Variants in RFX2 observed in about 807,000 individuals in gnomAD.
RFX2 encodes the protein regulatory factor X2, also known as DNA-binding protein RFX2.
Under a neutral mutation model 87.8 loss-of-function variants are expected in RFX2, and 20 were observed. That is an observed-to-expected ratio of 0.23 (90% confidence interval 0.16 to 0.33). The LOEUF is 0.33. RFX2 is among the 10% of genes least tolerant of loss of function. The pLI, the probability that RFX2 is intolerant of heterozygous loss-of-function variation, is 1.00. For synonymous variants in RFX2, 397 were observed against 431.3 expected, an observed-to-expected ratio of 0.92 and a Z score of 0.98; for missense variants, 767 against 1,012.3, an observed-to-expected ratio of 0.76 and a Z score of 3.29.
At chr19:6,072,151 A>C (rs1269277919) in intron 1 of RFX2, 1 of 152,242 alleles carries the variant, frequency 6.6e-6, no homozygotes, top group Non-Finnish European at 1.5e-5. Flanking sequence ...ACTCCGCCTG[A>C]GAGATGGAAA....
In RFX2 at chr19:6,007,850, C is replaced by G. The variant is rs1212670712; in HGVS notation, c.1135-48G>C. 7.8e-7 allele frequency: 1 copy of G among 1,284,704 alleles called. No individual in the cohort carries two copies. The highest frequency in any genetic ancestry group is 1.3e-5 in the South Asian group (1 of 78,724). 79.6% of individuals were successfully genotyped at this position (1,284,704 alleles called of 1,614,324 possible). A position where few individuals can be genotyped will look rare whatever the true frequency, so the allele number is the denominator to read the frequency against. ...GACAGACGGGTGCGTGCGCCCATCACGTGCACTCAGCACACGTCAAGTGAG... is the reference window on the plus strand; with the variant it reads ...GACAGACGGGTGCGTGCGCCCATCAGGTGCACTCAGCACACGTCAAGTGAG... On this transcript the variant is annotated intron_variant, in intron 10 of 17. Transcript: ENST00000303657. The surrounding 1 kb of genome is among the most constrained non-coding windows in gnomAD (Gnocchi z 8.2).
At position 6,007,534 on chromosome 19, in the gene RFX2, C is replaced by T. The variant is rs1179183210; in HGVS notation, c.1247+156G>A. On this transcript the variant is annotated intron_variant, in intron 11 of 17. Coordinates refer to ENST00000303657, the MANE Select transcript of RFX2 (RefSeq NM_000635.4). The surrounding 1 kb of genome is among the most constrained non-coding windows in gnomAD (Gnocchi z 8.2). ...GCGGATGGCAATGTGAATTTCAAGT[C>T]AACTCTACCAAGTCTAAAAATTACA... 6.6e-6 allele frequency among the ~76,000 whole-genome samples: 1 copy of T among 152,220 alleles called. No homozygotes were observed. The highest frequency in any genetic ancestry group is 2.4e-5 in the African/African-American group (1 of 41,462).
At chr19:6,096,499 T>G (rs920132531) in intron 1 of RFX2, among the ~76,000 whole-genome samples, 5 of 152,292 alleles carry the variant, frequency 3.3e-5, no homozygotes, top group African/African-American at 9.6e-5. Context: ...CAGGCTGGAG[T>G]GCAGTGGCGC....
chr19:6,009,078 C>T (rs2086627010), intron 9 of RFX2, among the ~76,000 whole-genome samples: 1 of 152,138 alleles, frequency 6.6e-6, no homozygotes. Context: ...AGAGAAAGCC[C>T]TGAGCCCAGG....
intron 5 of RFX2, among the ~76,000 whole-genome samples, chr19:6,036,631 A>G (rs2087029210): frequency 6.6e-6 from 1 of 152,264 alleles, no homozygotes; most frequent in Non-Finnish European, 1.5e-5. Flanking sequence ...CCCAATGAAG[A>G]CAAAAATATG....
chr19:6,063,099 C>T lies in RFX2; in HGVS notation c.-8-15595G>A, dbSNP rs566505630. On this transcript the variant is annotated intron_variant, in intron 1 of 17. Transcript: ENST00000303657. The surrounding 1 kb of genome is among the most constrained non-coding windows in gnomAD (Gnocchi z 4.0). The stretch of plus-strand genomic sequence containing the variant: ...GCCGCTCTCGCTCTTGCTCCTAGGC[C>T]GCCTTCTCCCTCATGCATCCAGCTA... Among the ~76,000 whole-genome samples the T allele has an allele frequency of 3.3e-5, 5 of 152,234 alleles. No homozygotes were observed. In the East Asian group the frequency reaches 7.7e-4, roughly 24 times the overall value.
At chr19:6,031,327 C>T (rs972816103) in intron 5 of RFX2, among the ~76,000 whole-genome samples, 4 of 151,650 alleles carry the variant, frequency 2.6e-5, no homozygotes, top group African/African-American at 9.7e-5. Flanking sequence ...GAGATGTGTG[C>T]TCAAGAGTTG....
At chr19:6,108,179 C>T (rs555146894) in intron 1 of RFX2, among the ~76,000 whole-genome samples, 77 of 152,322 alleles carry the variant, frequency 5.1e-4, no homozygotes, top group Middle Eastern at 3.4e-3. Flanking sequence ...TATAAGTTGC[C>T]TTCCGTACCA....
At position 6,016,287 on chromosome 19, in the gene RFX2, C is replaced by G; in HGVS notation, c.598-16G>C. 1 of 1,582,682 alleles carries G rather than the reference C, an allele frequency of 6.3e-7. No individual in the cohort carries two copies. The highest frequency in any genetic ancestry group is 8.6e-7 in the Non-Finnish European group (1 of 1,160,264). ...GCCACTGGAGCTGTAAAAAGAAAGA[C>G]ACGTCTGCGTTTGTCAGAAGCCTGA... is the stretch of plus-strand genomic sequence containing the variant. On this transcript the variant is annotated splice_polypyrimidine_tract_variant and intron_variant, in intron 6 of 17. Transcript: ENST00000303657. The surrounding 1 kb of genome is among the most constrained non-coding windows in gnomAD (Gnocchi z 5.4).
rs781306908 is a variant in RFX2 at position 6,016,213 on chromosome 19, G to C, written c.656C>G (p.Ser219Cys). 3.7e-6 allele frequency: 6 copies of C among 1,613,898 alleles called. No homozygotes were observed. Among genetic ancestry groups the C allele is most frequent in the Non-Finnish European group, 5.1e-6 (6 of 1,179,902 alleles). ...GTGCCGAAGGTAGTGGTTGTAAAGA[G>C]AACTTCTGGGGAGACTCACACCTTC... ...TAEGVSLPRS[S>C]LYNHYLRHCQ... The change falls in exon 7 of 18, where the codon TCT becomes TGT. Residue 219 changes from serine (S) to cysteine (C), a missense_variant. Physicochemically the swap from Ser to Cys is moderately radical, Grantham distance 112. Transcript: ENST00000303657. The surrounding 1 kb of genome is among the most constrained non-coding windows in gnomAD (Gnocchi z 5.4).
chr19:5,995,638 G>A lies in RFX2; in HGVS notation c.2019C>T (p.Asn673=), dbSNP rs1291252288. 6.4e-6 allele frequency: 10 copies of A among 1,552,378 alleles called. No homozygotes were observed. Among genetic ancestry groups the A allele is most frequent in the African/African-American group, 1.4e-5 (1 of 73,080 alleles). ...GCGTCAGCGACAGAGAGGCGAGATC[G>A]TTGAACTGAAAGAGAAACCTGGAGT... ...ETPIAVMGEF[N]DLASLSLTLL... Residue 673 remains asparagine, a synonymous_variant, in exon 17 of 18, where the codon AAC becomes AAT. Transcript: ENST00000303657.
In RFX2 at chr19:5,997,033, G is replaced by T; in HGVS notation, c.2013+27C>A. Reference sequence around the variant, plus strand: ...CTCCCCACAGGCCCGGCCAAGCCCCGGCCGTCCCACCCAGGAGGGTCCTCA... The same window carrying T: ...CTCCCCACAGGCCCGGCCAAGCCCCTGCCGTCCCACCCAGGAGGGTCCTCA... On this transcript the variant is annotated intron_variant, in intron 16 of 17. Transcript: ENST00000303657. The surrounding 1 kb of genome is among the most constrained non-coding windows in gnomAD (Gnocchi z 4.2). 6.3e-7 allele frequency: 1 copy of T among 1,592,158 alleles called. No individual in the cohort carries two copies. Among genetic ancestry groups the T allele is most frequent in the African/African-American group, 1.3e-5 (1 of 74,840 alleles).
rs1303649187 is a variant in RFX2, at chr19:6,040,521, A to G, written c.261-280T>C. 6.6e-6 allele frequency among the ~76,000 whole-genome samples: 1 copy of G among 152,186 alleles called. No homozygotes were observed. The highest frequency in any genetic ancestry group is 1.5e-5 in the Non-Finnish European group (1 of 68,032). On this transcript the variant is annotated intron_variant, in intron 4 of 17. Transcript: ENST00000303657. The surrounding 1 kb of genome is among the most constrained non-coding windows in gnomAD (Gnocchi z 6.1). The stretch of plus-strand genomic sequence containing the variant: ...ACGCCTGTAATCCCAGCACTTTGGG[A>G]GGCTAAGGTGGGAAAATTGCTTGAG...
At position 5,997,256 on chromosome 19, in the gene RFX2, T is replaced by C. The variant is rs1187020825; in HGVS notation, c.1860-43A>G. 5 of 1,572,374 alleles carry C rather than the reference T, an allele frequency of 3.2e-6. No homozygotes were observed. The highest frequency in any genetic ancestry group is 4.3e-6 in the Non-Finnish European group (5 of 1,163,090). On this transcript the variant is annotated intron_variant, in intron 15 of 17. Transcript: ENST00000303657. The surrounding 1 kb of genome is among the most constrained non-coding windows in gnomAD (Gnocchi z 4.2). ...GAGGCTGGGGACCCTCAGGGGAGCATGGAACCCGGGCCCCAGGCCAGACTT... is the reference window on the plus strand; with the variant it reads ...GAGGCTGGGGACCCTCAGGGGAGCACGGAACCCGGGCCCCAGGCCAGACTT...
At chr19:6,006,872 A>G in intron 12 of RFX2, 140 bp downstream of exon 12, 2 of 909,778 alleles carry the variant, frequency 2.2e-6, no homozygotes, top group Non-Finnish European at 3.3e-6. Flanking sequence ...GATCACTGGC[A>G]TGAGCCACCG....
rs530775898 is a variant in RFX2, at chr19:5,998,140, TCTA to T, written c.1860-930_1860-928del. Among the ~76,000 whole-genome samples, 2 of 152,258 alleles carry T rather than the reference TCTA, an allele frequency of 1.3e-5. No homozygotes were observed. The highest frequency in any genetic ancestry group is 3.9e-4 in the East Asian group (2 of 5,174). ...CTGGCCAACATGGTGAAACGCCATCTCTACTAAGAATACAAAAATTAGTGAGGC... is the reference window on the plus strand; with the variant it reads ...CTGGCCAACATGGTGAAACGCCATCTCTAAGAATACAAAAATTAGTGAGGC... On this transcript the variant is annotated intron_variant, in intron 15 of 17. Transcript: ENST00000303657. This position sits in a 1 kb window ranked among gnomAD's most constrained non-coding sequence, Gnocchi z 4.2.
chr19:6,101,935 C>T lies in RFX2; in HGVS notation c.-9+8458G>A, dbSNP rs141179035. On this transcript the variant is annotated intron_variant, in intron 1 of 17. Coordinates refer to ENST00000303657, the MANE Select transcript of RFX2 (RefSeq NM_000635.4). The surrounding 1 kb of genome is among the most constrained non-coding windows in gnomAD (Gnocchi z 4.9). The stretch of plus-strand genomic sequence containing the variant: ...GGAAACACAATGTGGCATATCCATG[C>T]AATGGAATATTCTTTAGCCTTAAAA... Among the ~76,000 whole-genome samples, 3 of 152,312 alleles carry T rather than the reference C, an allele frequency of 2.0e-5. No individual in the cohort carries two copies. Among genetic ancestry groups the T allele is most frequent in the African/African-American group, 7.2e-5 (3 of 41,544 alleles).
At chr19:5,995,555 C>G (rs753131728) in intron 17 of RFX2, 46 bp downstream of exon 17, 1 of 1,526,818 alleles carries the variant, frequency 6.5e-7, no homozygotes, top group South Asian at 1.2e-5. Flanking sequence ...CCAGGAGTAC[C>G]ACCCTCCTGG....
intron 1 of RFX2, among the ~76,000 whole-genome samples, chr19:6,109,858 G>A (rs1245620651): frequency 6.7e-6 from 1 of 150,292 alleles, no homozygotes; most frequent in Non-Finnish European, 1.5e-5. Context: ...TAAAAGAAGG[G>A]TCCCTGGGTG....
Sources: allele counts gnomAD v4.1 joint callset (sites outside exome capture counted in the v4.1 genomes callset), GRCh38; gene constraint gnomAD v4.1.1; non-coding constraint Gnocchi (gnomAD v3.1); transcripts MANE v1.5; gene names NCBI Gene and HGNC (gene_info 2026-07-23, HGNC 2026-07-21).